IL7R: variants seen among roughly 807,000 people sequenced by gnomAD.
IL7R encodes the protein interleukin-7 receptor subunit alpha.
In IL7R, 38 loss-of-function variants were observed where a neutral mutation model predicts 47.0. That is an observed-to-expected ratio of 0.81 (90% CI 0.62 to 1.06). The LOEUF (loss-of-function observed/expected upper bound fraction) is 1.06. Ranked by LOEUF, IL7R falls within the 50% of genes least tolerant of loss-of-function variation. IL7R has a pLI of 0.00. For missense variants in IL7R, 633 were observed against 534.8 expected (o/e 1.18, Z -1.81); for synonymous variants, 221 against 199.8 (o/e 1.11, Z -0.89).
At chr5:35,875,101 C>T (rs572091846) in intron 6 of IL7R, among the ~76,000 whole-genome samples, 1 of 152,162 alleles carries the variant, frequency 6.6e-6, no homozygotes, top group Non-Finnish European at 1.5e-5. Flanking sequence ...CCCACTTCCA[C>T]CAAAATTAGC....
rs552630274 is a variant in IL7R, at chr5:35,867,321, G to A, written c.237G>A (p.Glu79=). The change falls in exon 3 of 8, where the codon GAG becomes GAA. Residue 79 remains glutamate (E), a synonymous_variant. Coordinates refer to ENST00000303115, the MANE Select transcript of IL7R (RefSeq NM_002185.5). ...LEFEICGALV[E]VKCLNFRKLQ... is the part of the protein sequence containing the mutation. The stretch of plus-strand genomic sequence containing the variant: ...ATTCCTACAGTGGGGCCCTCGTGGA[G>A]GTAAAGTGCCTGAATTTCAGGAAAC... 2 of 1,613,522 alleles carry A rather than the reference G, an allele frequency of 1.2e-6. No homozygotes were observed. The highest frequency in any genetic ancestry group is 1.7e-6 in the Non-Finnish European group (2 of 1,179,690).
At chr5:35,861,464 G>C (rs1224173345) in intron 2 of IL7R, among the ~76,000 whole-genome samples, 2 of 152,146 alleles carry the variant, frequency 1.3e-5, no homozygotes, top group Admixed American at 6.5e-5. Context: ...GAGATAACCT[G>C]CCTCACAGGA....
intron 1 of IL7R, among the ~76,000 whole-genome samples, chr5:35,857,728 TA>T (rs1483094455): frequency 6.6e-6 from 1 of 152,148 alleles, no homozygotes; most frequent in Non-Finnish European, 1.5e-5. Context: ...TTTTGGGATC[TA>T]AAAAACTTAG....
chr5:35,862,488 T>G (rs1759845638), intron 2 of IL7R, among the ~76,000 whole-genome samples: 1 of 152,132 alleles, frequency 6.6e-6, no homozygotes, highest in African/African-American at 2.4e-5. Context: ...GAGCCTCCTC[T>G]ATTTGGGTTT....
chr5:35,865,529 C>T (rs1226199859), intron 2 of IL7R, among the ~76,000 whole-genome samples: 2 of 152,246 alleles, frequency 1.3e-5, no homozygotes, highest in East Asian at 1.9e-4. Context: ...CTTGAGGACT[C>T]GCCACACTGT....
chr5:35,873,807 T>G (rs137948198), intron 5 of IL7R, among the ~76,000 whole-genome samples, 159 bp downstream of exon 5: 1 of 152,218 alleles, frequency 6.6e-6, no homozygotes, highest in African/African-American at 2.4e-5. Flanking sequence ...CTGCTGTCTT[T>G]GCGCCTTTTG....
chr5:35,875,321 C>A, intron 6 of IL7R, 191 bp from the exon 7 acceptor site: 1 of 654,004 alleles, frequency 1.5e-6, no homozygotes, highest in Non-Finnish European at 2.8e-6. Flanking sequence ...TCTGGTCCAA[C>A]CCCTCCTTGA....
Position 35,875,525 on chromosome 5 carries a change from G to A in IL7R, c.814G>A (p.Val272Ile), listed in dbSNP as rs369971728. Reference sequence around the variant, plus strand: ...CTCTGATTTCAGGATTAAGCCTATCGTATGGCCCAGTCTCCCCGATCATAA... The same window carrying A: ...CTCTGATTTCAGGATTAAGCCTATCATATGGCCCAGTCTCCCCGATCATAA... ...VLWKKRIKPI[V>I]WPSLPDHKKT... Residue 272 changes from valine to isoleucine, a missense_variant, in exon 7 of 8, where the codon GTA becomes ATA. By Grantham distance (29) the Val-to-Ile change is conservative. Coordinates refer to ENST00000303115, the MANE Select transcript of IL7R (RefSeq NM_002185.5). 34 of 1,611,868 alleles carry A rather than the reference G, an allele frequency of 2.1e-5. No individual in the cohort carries two copies. Among genetic ancestry groups the A allele is most frequent in the Admixed American group, 3.3e-5 (2 of 59,976 alleles).
intron 1 of IL7R, among the ~76,000 whole-genome samples, chr5:35,858,617 A>G (rs578223101): frequency 6.6e-6 from 1 of 152,354 alleles, no homozygotes; most frequent in South Asian, 2.1e-4. Flanking sequence ...TTTCAAAACC[A>G]TAGTAATTAT....
At chr5:35,861,441 T>C (rs1282704720) in intron 2 of IL7R, among the ~76,000 whole-genome samples, 1 of 152,186 alleles carries the variant, frequency 6.6e-6, no homozygotes, top group African/African-American at 2.4e-5. Flanking sequence ...CTCAGTTTCC[T>C]CACCTGTAAA....
chr5:35,861,334 C>T (rs1412073988), intron 2 of IL7R, among the ~76,000 whole-genome samples: 4 of 152,160 alleles, frequency 2.6e-5, no homozygotes, highest in Non-Finnish European at 5.9e-5. Flanking sequence ...CCAGTGTCTT[C>T]AAGTTGCATC....
At position 35,878,623 on chromosome 5, in the gene IL7R, G is replaced by T. The variant is rs1317696788; in HGVS notation, c.*2137G>T. ...TACCTTTTGTAGAAATGGGAGTCAAGTCTCAAATAGGAGGCTCCACAAAAT... is the reference window on the plus strand; with the variant it reads ...TACCTTTTGTAGAAATGGGAGTCAATTCTCAAATAGGAGGCTCCACAAAAT... On this transcript the variant is annotated 3_prime_UTR_variant, in exon 8 of 8. Coordinates refer to ENST00000303115, the MANE Select transcript of IL7R (RefSeq NM_002185.5). 1 of 232,552 alleles carries T rather than the reference G, an allele frequency of 4.3e-6. No homozygotes were observed. The highest frequency in any genetic ancestry group is 5.6e-5 in the Admixed American group (1 of 17,756). The allele number at this position is 232,552 out of a possible 1,614,324, so 14.4% of individuals were successfully genotyped here.
In IL7R at chr5:35,876,101, T is replaced by C. The variant is rs1196812233; in HGVS notation, c.995T>C (p.Leu332Pro). ...CTGCAAGATACGTTTCCTCAGCAAC[T>C]AGAAGAATCTGAGAAGCAGAGGCTT... ...GFLQDTFPQQLEESEKQRLGG... is the reference protein window; with the variant it reads ...GFLQDTFPQQPEESEKQRLGG... Residue 332 changes from leucine to proline, a missense_variant, in exon 8 of 8, where the codon CTA becomes CCA. Leu to Pro is a moderately conservative substitution (Grantham distance 98, BLOSUM62 -3). Coordinates refer to ENST00000303115, the MANE Select transcript of IL7R (RefSeq NM_002185.5). The C allele has an allele frequency of 1.9e-6, 3 of 1,614,074 alleles. No homozygotes were observed. Among genetic ancestry groups the C allele is most frequent in the Non-Finnish European group, 2.5e-6 (3 of 1,180,032 alleles).
chr5:35,861,031 G>A (rs771616170), intron 2 of IL7R, 41 bp downstream of exon 2: 2 of 1,598,850 alleles, frequency 1.3e-6, no homozygotes, highest in Admixed American at 3.3e-5. Flanking sequence ...GACATCCTCT[G>A]TCTCTCTTTT....
At chr5:35,858,860 T>A (rs759297656) in intron 1 of IL7R, among the ~76,000 whole-genome samples, 11 of 152,188 alleles carry the variant, frequency 7.2e-5, no homozygotes, top group Non-Finnish European at 1.6e-4. Context: ...TTAGAGAAGT[T>A]GCCTACCTGA....
chr5:35,858,905 C>T (rs767388588), intron 1 of IL7R, among the ~76,000 whole-genome samples: 3 of 152,168 alleles, frequency 2.0e-5, no homozygotes, highest in East Asian at 3.8e-4. Flanking sequence ...AGAATTTAAA[C>T]GCACATCTGT....
At position 35,877,587 on chromosome 5, in the gene IL7R, C is replaced by T. The variant is rs1382742246; in HGVS notation, c.*1101C>T. 8.6e-6 allele frequency: 2 copies of T among 233,038 alleles called. No individual in the cohort carries two copies. The highest frequency in any genetic ancestry group is 5.6e-5 in the Admixed American group (1 of 17,764). 14.4% of individuals were successfully genotyped at this position (233,038 alleles called of 1,614,324 possible). ...TGACGAGTGAGAGGAGGCATGACCC[C>T]TCCCATGTGTATAGACACTACCCCA... On this transcript the variant is annotated 3_prime_UTR_variant, in exon 8 of 8. Transcript: ENST00000303115.
chr5:35,857,009 T>A lies in IL7R; in HGVS notation c.32T>A (p.Val11Asp). The change falls in exon 1 of 8, where the codon GTT (valine) becomes GAT (aspartate). Residue 11 changes from valine (V) to aspartate (D), a missense_variant. Coordinates refer to ENST00000303115, the MANE Select transcript of IL7R (RefSeq NM_002185.5). ...ATTCTAGGTACAACTTTTGGCATGGTTTTTTCTTTACTTCAAGTCGTTTCT... is the reference window on the plus strand; with the variant it reads ...ATTCTAGGTACAACTTTTGGCATGGATTTTTCTTTACTTCAAGTCGTTTCT... MTILGTTFGM[V>D]FSLLQVVSGE... 6.2e-7 allele frequency: 1 copy of A among 1,609,688 alleles called. No individual in the cohort carries two copies. Among genetic ancestry groups the A allele is most frequent in the Non-Finnish European group, 8.5e-7 (1 of 1,176,780 alleles).
At position 35,871,047 on chromosome 5, in the gene IL7R, C is replaced by T. The variant is rs763573007; in HGVS notation, c.380-9C>T. ...CTTTAGACAGAATTTATTTCTTTTT[C>T]TTTTCCAGTTAAACCTGAGGCTCCT... On this transcript the variant is annotated splice_polypyrimidine_tract_variant and intron_variant, in intron 3 of 7. Transcript: ENST00000303115. 1 of 1,611,098 alleles carries T rather than the reference C, an allele frequency of 6.2e-7. No individual in the cohort carries two copies. The highest frequency in any genetic ancestry group is 1.1e-5 in the South Asian group (1 of 91,026).
Sources: gnomAD v4.1 joint callset for allele counts (sites outside exome capture counted in the v4.1 genomes callset) on GRCh38, gnomAD v4.1.1 for gene constraint, MANE v1.5 for transcripts, NCBI Gene and HGNC (gene_info 2026-07-23, HGNC 2026-07-21) for gene names.